Variants in HAO2 observed in about 807,000 individuals in gnomAD.
HAO2 encodes 2-Hydroxyacid oxidase 2.
Under a neutral mutation model 37.4 loss-of-function variants are expected in HAO2, and 42 were observed. The ratio of observed to expected loss-of-function variants is 1.12; its 90% CI spans 0.88 to 1.45. The LOEUF (loss-of-function observed/expected upper bound fraction) is 1.45. Ranked by LOEUF, HAO2 falls within the 40% of genes most tolerant of loss-of-function variation. The pLI is 0.00. For synonymous variants in HAO2, 180 were observed against 162.8 expected (o/e 1.11, Z -0.81); for missense variants, 476 against 430.2 (o/e 1.11, Z -0.94).
rs1473813329 is a variant in HAO2, at chr1:119,386,789, T to G, written c.729T>G (p.Val243=). ...AGCACAATGTCCAGGGTATCATTGT[T>G]TCCAACCATGGTGGGAGGCAGCTTG... is the stretch of plus-strand genomic sequence containing the variant. ...AVKHNVQGII[V]SNHGGRQLDE... Residue 243 remains valine (V), a synonymous_variant, in exon 5 of 8, where the codon GTT becomes GTG. Coordinates refer to ENST00000325945, the MANE Select transcript of HAO2 (RefSeq NM_016527.4). The G allele has an allele frequency of 6.2e-7, 1 of 1,613,618 alleles. No individual in the cohort carries two copies. The highest frequency in any genetic ancestry group is 1.3e-5 in the African/African-American group (1 of 74,902).
chr1:119,386,587 A>G (rs1484316458), intron 4 of HAO2, 35 bp from the exon 5 acceptor site: 4 of 1,289,604 alleles, frequency 3.1e-6, no homozygotes, highest in Non-Finnish European at 4.5e-6. Flanking sequence ...GCCTTGTGAG[A>G]GCTCAGGACT....
At chr1:119,388,215 C>T (rs587627544) in intron 5 of HAO2, among the ~76,000 whole-genome samples, 2 of 152,274 alleles carry the variant, frequency 1.3e-5, no homozygotes, top group African/African-American at 4.8e-5. Context: ...GCATAGCATG[C>T]CCTGGGTCAT....
intron 5 of HAO2, among the ~76,000 whole-genome samples, chr1:119,391,507 T>C (rs1260195804): frequency 1.3e-5 from 2 of 152,232 alleles, no homozygotes; most frequent in Non-Finnish European, 2.9e-5. Flanking sequence ...ATTTTGTCTG[T>C]CAAAGGCTCA....
chr1:119,380,990 T>C (rs780330370), intron 1 of HAO2, 88 bp from the exon 2 acceptor site: 7 of 1,156,850 alleles, frequency 6.1e-6, no homozygotes, highest in Non-Finnish European at 9.0e-6. Context: ...ATCCAAACAA[T>C]TTCATACTGC....
At chr1:119,375,311 G>A (rs1240499469) in intron 1 of HAO2, among the ~76,000 whole-genome samples, 1 of 152,024 alleles carries the variant, frequency 6.6e-6, no homozygotes, top group Admixed American at 6.6e-5. Context: ...ATTGTGCTAA[G>A]TTCTTCACTT....
intron 6 of HAO2, 80 bp from the exon 7 acceptor site, chr1:119,392,538 C>T (rs1650996070): frequency 1.1e-6 from 1 of 931,404 alleles, no homozygotes; most frequent in South Asian, 1.3e-5. Flanking sequence ...GCTCTGACTA[C>T]ATCTAGAATT....
rs747083428 is a variant in HAO2, at chr1:119,381,189, GGGATGACAACATTGCA to G, written c.106_121del (p.Asp36HisfsTer12). ...GGTGGAGCAGATGACAGCATCACGCGGGATGACAACATTGCAGCATTTAAAAGGTGTGGTCTTCTGT... is the reference window on the plus strand; with the variant it reads ...GGTGGAGCAGATGACAGCATCACGCGGCATTTAAAAGGTGTGGTCTTCTGT... On this transcript the variant is annotated frameshift_variant, in exon 2 of 8. Coordinates refer to ENST00000325945, the MANE Select transcript of HAO2 (RefSeq NM_016527.4). LOFTEE classifies it high-confidence loss of function. 4 of 1,611,042 alleles carry G rather than the reference GGGATGACAACATTGCA, an allele frequency of 2.5e-6. No individual in the cohort carries two copies. The highest frequency in any genetic ancestry group is 2.5e-6 in the Non-Finnish European group (3 of 1,177,378).
chr1:119,384,845 T>C lies in HAO2; in HGVS notation c.353T>C (p.Ile118Thr). The change falls in exon 4 of 8, where the codon ATT becomes ACT. Residue 118 changes from isoleucine to threonine, a missense_variant. Ile to Thr is a moderately conservative substitution (Grantham distance 89). Coordinates refer to ENST00000325945, the MANE Select transcript of HAO2 (RefSeq NM_016527.4). The stretch of plus-strand genomic sequence containing the variant: ...AGCTGTAGCCTTGAAGACATTGTCA[T>C]TGCAGCTCCCGAAGGCCTCCGATGG... The part of the protein sequence containing the change: ...FASCSLEDIV[I>T]AAPEGLRWFQ... 1 of 1,613,820 alleles carries C rather than the reference T, an allele frequency of 6.2e-7. No individual in the cohort carries two copies. The highest frequency in any genetic ancestry group is 1.1e-5 in the South Asian group (1 of 91,072).
At position 119,383,106 on chromosome 1, in the gene HAO2, A is replaced by G. The variant is rs1650093508; in HGVS notation, c.283+40A>G. 4 of 1,529,032 alleles carry G rather than the reference A, an allele frequency of 2.6e-6. No homozygotes were observed. The East Asian group carries it at 9.3e-5, about 36-fold the overall frequency. The allele number at this position is 1,529,032 out of a possible 1,614,324, so 94.7% of individuals were successfully genotyped here. A position where few individuals can be genotyped will look rare whatever the true frequency, so the allele number is the denominator to read the frequency against. ...CACCTCGAGGCTCCTTTCCGGGAGG[A>G]GGTGTCCCTCAGAGCAGTGGCAGAG... On this transcript the variant is annotated intron_variant, in intron 3 of 7. Coordinates refer to ENST00000325945, the MANE Select transcript of HAO2 (RefSeq NM_016527.4).
chr1:119,380,449 C>T, intron 1 of HAO2: 1 of 450,424 alleles, frequency 2.2e-6, no homozygotes. Flanking sequence ...AGCGACCCAG[C>T]CAAGAATTAC....
At chr1:119,374,698 C>T (rs587694637) in intron 1 of HAO2, among the ~76,000 whole-genome samples, 2 of 152,286 alleles carry the variant, frequency 1.3e-5, no homozygotes, top group East Asian at 3.9e-4. Context: ...AGGGGGTTTC[C>T]ATACAAATAT....
At chr1:119,380,515 T>A (rs1649833822) in intron 1 of HAO2, 5 of 594,876 alleles carry the variant, frequency 8.4e-6, no homozygotes, top group Non-Finnish European at 1.2e-5. Context: ...TCCAGACAAT[T>A]CAAACATTGA....
rs587702533 is a variant in HAO2, at chr1:119,377,785, G to A, written c.-8-3293G>A. 2.3e-4 allele frequency among the ~76,000 whole-genome samples: 35 copies of A among 152,296 alleles called. 1 individual carries two copies. The highest frequency in any genetic ancestry group is 1.9e-3 in the South Asian group (9 of 4,828). ...CTGCCCTTTATAAAACCATCAGCTC[G>A]GCCAGGCATGGTGGCTCATGGCTGT... On this transcript the variant is annotated intron_variant, in intron 1 of 7. Transcript: ENST00000325945.
In HAO2 at chr1:119,384,993, T is replaced by C. The variant is rs1162973443; in HGVS notation, c.501T>C (p.His167=). 6.2e-7 allele frequency: 1 copy of C among 1,613,622 alleles called. No homozygotes were observed. The change falls in exon 4 of 8, where the codon CAT becomes CAC. Residue 167 remains histidine, a synonymous_variant. Coordinates refer to ENST00000325945, the MANE Select transcript of HAO2 (RefSeq NM_016527.4). ...LDTPVCGNRR[H]DIRNQLRRNL... ...CACCTGTATGTGGCAACAGGCGACA[T>C]GACATTCGAAACCAGTTGAGGAGGA...
chr1:119,392,017 T>C, intron 5 of HAO2, 93 bp from the exon 6 acceptor site: 1 of 1,112,504 alleles, frequency 9.0e-7, no homozygotes, highest in Non-Finnish European at 1.3e-6. Flanking sequence ...CAAGGGCGTC[T>C]CCTCAGCTTG....
At chr1:119,376,930 G>A (rs1404173637) in intron 1 of HAO2, among the ~76,000 whole-genome samples, 2 of 152,186 alleles carry the variant, frequency 1.3e-5, no homozygotes, top group Non-Finnish European at 2.9e-5. Context: ...GAAGATGTCT[G>A]ATATGCCCTG....
chr1:119,374,317 TTCTCAGGG>T (rs1007187252), intron 1 of HAO2, among the ~76,000 whole-genome samples: 1 of 152,198 alleles, frequency 6.6e-6, no homozygotes, highest in African/African-American at 2.4e-5. Context: ...ACCTCTTTCA[TTCTCAGGG>T]TCTCCTCTAG....
At chr1:119,383,139 G>C in intron 3 of HAO2, 73 bp downstream of exon 3, 1 of 1,124,644 alleles carries the variant, frequency 8.9e-7, no homozygotes, top group Middle Eastern at 2.1e-4. Flanking sequence ...GAGGCTCCAA[G>C]ATTCTCTCTA....
At chr1:119,371,980 A>G (rs1649070089) in intron 1 of HAO2, among the ~76,000 whole-genome samples, 1 of 152,188 alleles carries the variant, frequency 6.6e-6, no homozygotes, top group Non-Finnish European at 1.5e-5. Context: ...CGCTCTATGG[A>G]CAGCACACAG....
Sources: allele counts gnomAD v4.1 joint callset (sites outside exome capture counted in the v4.1 genomes callset), GRCh38; gene constraint gnomAD v4.1.1; transcripts MANE v1.5; gene names NCBI Gene and HGNC (gene_info 2026-07-23, HGNC 2026-07-21).